The following KBTBD11 variants were observed in gnomAD, a reference collection of about 807,000 sequenced individuals.
The protein encoded by KBTBD11 is kelch repeat and BTB domain-containing protein 11.
For missense variants in KBTBD11, 1,390 were observed against 1,001.8 expected (o/e 1.39, Z -5.23); for synonymous variants, 747 against 499.0 (o/e 1.50, Z -6.63).
At chr8:1,984,270 T>A in intron 1 of KBTBD11, among the ~76,000 whole-genome samples, 1 of 141,678 alleles carries the variant, frequency 7.1e-6, no homozygotes, top group South Asian at 2.3e-4. Context: ...AGACCCCATC[T>A]CTAAAAAAGT....
rs775727271 is a variant in KBTBD11, at chr8:2,001,717, G to A, written c.525G>A (p.Arg175=). ...FRARASRDVL[R]VQGVSLTALR... ...CGCGCGCGTCGCGGGACGTGCTGCGGGTGCAGGGAGTGAGCCTGACGGCGC... is the reference window on the plus strand; with the variant it reads ...CGCGCGCGTCGCGGGACGTGCTGCGAGTGCAGGGAGTGAGCCTGACGGCGC... The change falls in exon 2 of 2, where the codon CGG becomes CGA. Residue 175 remains arginine, a synonymous_variant. Coordinates refer to ENST00000320248, the MANE Select transcript of KBTBD11 (RefSeq NM_014867.3). The A allele has an allele frequency of 7.1e-6, 10 of 1,413,804 alleles. No individual in the cohort carries two copies. The highest frequency in any genetic ancestry group is 9.2e-6 in the Non-Finnish European group (10 of 1,088,044). The allele number at this position is 1,413,804 out of a possible 1,614,324, so 87.6% of individuals were successfully genotyped here.
In KBTBD11 at chr8:2,002,954, G is replaced by A. The variant is rs1309315707; in HGVS notation, c.1762G>A (p.Gly588Ser). 2.9e-5 allele frequency: 38 copies of A among 1,317,656 alleles called. No homozygotes were observed. Among genetic ancestry groups the A allele is most frequent in the Non-Finnish European group, 3.3e-5 (34 of 1,035,130 alleles). 81.6% of individuals were successfully genotyped at this position (1,317,656 alleles called of 1,614,324 possible). Residue 588 changes from glycine to serine, a missense_variant, in exon 2 of 2, where the codon GGC becomes AGC. Physicochemically the swap from Gly to Ser is moderately conservative, Grantham distance 56. Coordinates refer to ENST00000320248, the MANE Select transcript of KBTBD11 (RefSeq NM_014867.3). The surrounding 1 kb of genome is among the most constrained non-coding windows in gnomAD (Gnocchi z 4.1). ...EGEAGGDAGQ[G>S]GGFEALGAPL... ...CGAGGCCGGCGGCGACGCAGGCCAG[G>A]GCGGCGGCTTCGAGGCGCTGGGCGC...
chr8:1,982,632 C>G (rs1217629315), intron 1 of KBTBD11, among the ~76,000 whole-genome samples: 2 of 152,110 alleles, frequency 1.3e-5, no homozygotes, highest in African/African-American at 4.8e-5. Flanking sequence ...AAATCCACTT[C>G]AAGTTAAAAC....
chr8:1,977,158 G>T (rs963873175), intron 1 of KBTBD11, among the ~76,000 whole-genome samples: 1 of 151,538 alleles, frequency 6.6e-6, no homozygotes, highest in Admixed American at 6.6e-5. Context: ...AATTCTTCCA[G>T]TGTGGCCCAC....
At chr8:1,975,118 G>GC (rs1816288522) in intron 1 of KBTBD11, 1 of 152,262 alleles carries the variant, frequency 6.6e-6, no homozygotes, top group Admixed American at 6.5e-5. Flanking sequence ...ACGGAAGGGA[G>GC]CGTTCCATTG....
chr8:1,998,984 C>T (rs1461585063), intron 1 of KBTBD11, among the ~76,000 whole-genome samples: 2 of 152,206 alleles, frequency 1.3e-5, no homozygotes, highest in African/African-American at 4.8e-5. Flanking sequence ...TGGGTGAACA[C>T]AAGGGACCCT....
intron 1 of KBTBD11, among the ~76,000 whole-genome samples, chr8:1,980,927 A>C (rs1816520474): frequency 6.6e-6 from 1 of 152,200 alleles, no homozygotes; most frequent in Non-Finnish European, 1.5e-5. Flanking sequence ...GATTTGTGGA[A>C]ATCTTTGCGA....
At chr8:1,987,361 A>G (rs1816738491) in intron 1 of KBTBD11, among the ~76,000 whole-genome samples, 2 of 152,214 alleles carry the variant, frequency 1.3e-5, no homozygotes, top group Non-Finnish European at 2.9e-5. Flanking sequence ...AGCGTGACAC[A>G]AAACCCATCT....
At chr8:1,984,434 G>T (rs1816645055) in intron 1 of KBTBD11, among the ~76,000 whole-genome samples, 1 of 151,838 alleles carries the variant, frequency 6.6e-6, no homozygotes, top group Non-Finnish European at 1.5e-5. Context: ...GACAACAGCT[G>T]CCCGCACCAC....
At chr8:1,990,083 A>T (rs958878136) in intron 1 of KBTBD11, among the ~76,000 whole-genome samples, 2 of 152,074 alleles carry the variant, frequency 1.3e-5, no homozygotes, top group South Asian at 2.1e-4. Context: ...GCATTTTTTC[A>T]TTTATGGAAT....
Position 1,996,505 on chromosome 8 carries a change from T to G in KBTBD11, c.-908-3780T>G, listed in dbSNP as rs1029225798. On this transcript the variant is annotated intron_variant, in intron 1 of 1. Transcript: ENST00000320248. ...CTGGTCTTGAACTCCTGACCTCAGG[T>G]GACCCACCCACCTCGGCCTCCCAAA... 2.0e-5 allele frequency among the ~76,000 whole-genome samples: 3 copies of G among 152,124 alleles called. No individual in the cohort carries two copies. In the East Asian group the frequency reaches 5.8e-4, roughly 29 times the overall value.
At chr8:1,974,291 C>A in intron 1 of KBTBD11, 3 of 983,862 alleles carry the variant, frequency 3.0e-6, no homozygotes, top group Non-Finnish European at 3.6e-6. Flanking sequence ...GCGGCAACCC[C>A]GGCCGGAAGA....
rs1271641589 is a variant in KBTBD11, at chr8:2,001,943, C to G, written c.751C>G (p.Leu251Val). 9.5e-6 allele frequency: 14 copies of G among 1,472,836 alleles called. No homozygotes were observed. The highest frequency in any genetic ancestry group is 5.9e-5 in the African/African-American group (4 of 67,998). The allele number at this position is 1,472,836 out of a possible 1,614,324, so 91.2% of individuals were successfully genotyped here. The part of the protein sequence containing the change: ...SAAKRQRLNE[L>V]RDAAYCFMSD... The stretch of plus-strand genomic sequence containing the variant: ...GGCCAAGCGGCAGCGGCTGAACGAG[C>G]TGCGCGACGCCGCCTACTGCTTCAT... Residue 251 changes from leucine to valine, a missense_variant, in exon 2 of 2, where the codon CTG becomes GTG. Physicochemically the swap from Leu to Val is conservative, Grantham distance 32. Coordinates refer to ENST00000320248, the MANE Select transcript of KBTBD11 (RefSeq NM_014867.3).
rs1200582372 is a variant in KBTBD11 at position 2,006,809 on chromosome 8, T to G, written c.*3745T>G. 1 of 167,120 alleles carries G rather than the reference T, an allele frequency of 6.0e-6. No individual in the cohort carries two copies. The highest frequency in any genetic ancestry group is 1.5e-5 in the Non-Finnish European group (1 of 68,130). The allele number at this position is 167,120 out of a possible 1,614,324, so 10.4% of individuals were successfully genotyped here. On this transcript the variant is annotated 3_prime_UTR_variant, in exon 2 of 2. Transcript: ENST00000320248. Reference sequence around the variant, plus strand: ...TTGAAGGCCAAGTTCAGGGCAGCTGTTGTGATCTGTGTAGTTAATGTATTT... The same window carrying G: ...TTGAAGGCCAAGTTCAGGGCAGCTGGTGTGATCTGTGTAGTTAATGTATTT...
At position 1,981,878 on chromosome 8, in the gene KBTBD11, A is replaced by T. The variant is rs931130770; in HGVS notation, c.-909+7943A>T. Among the ~76,000 whole-genome samples, 86 of 152,168 alleles carry T rather than the reference A, an allele frequency of 5.7e-4. 1 individual carries two copies. Among genetic ancestry groups the T allele is most frequent in the Non-Finnish European group, 1.6e-4 (11 of 68,042 alleles). On this transcript the variant is annotated intron_variant, in intron 1 of 1. Coordinates refer to ENST00000320248, the MANE Select transcript of KBTBD11 (RefSeq NM_014867.3). ...CCTGGTTCTGAGGCCTCTGACAATA[A>T]ACTGAGCCATGCCACTGGCTTCTCT...
chr8:1,985,916 A>G (rs1169376302), intron 1 of KBTBD11, among the ~76,000 whole-genome samples: 1 of 152,244 alleles, frequency 6.6e-6, no homozygotes, highest in African/African-American at 2.4e-5. Context: ...TTCAGTCTCA[A>G]GGTATAATTG....
chr8:1,996,728 A>G (rs962112530), intron 1 of KBTBD11, among the ~76,000 whole-genome samples: 4 of 152,202 alleles, frequency 2.6e-5, no homozygotes, highest in Non-Finnish European at 4.4e-5. Context: ...TTTATTCTGA[A>G]TAAGTCCTAA....
In KBTBD11 at chr8:2,003,164, G is replaced by T. The variant is rs1817464236; in HGVS notation, c.*100G>T. The T allele has an allele frequency of 1.6e-6, 2 of 1,246,428 alleles. No homozygotes were observed. Among genetic ancestry groups the T allele is most frequent in the South Asian group, 8.0e-5 (2 of 25,134 alleles). 77.2% of individuals were successfully genotyped at this position (1,246,428 alleles called of 1,614,324 possible). ...ACGTGGTGGGGAGTCGGGGCCGCTG[G>T]CCACGCTGGTGGTTTGGACACTTCG... On this transcript the variant is annotated 3_prime_UTR_variant, in exon 2 of 2. Transcript: ENST00000320248.
At chr8:1,978,989 GC>G (rs1816445598) in intron 1 of KBTBD11, among the ~76,000 whole-genome samples, 1 of 152,192 alleles carries the variant, frequency 6.6e-6, no homozygotes, top group Non-Finnish European at 1.5e-5. Context: ...CCCTGGGCAG[GC>G]ACAGGAGAAC....
Sources: gnomAD v4.1 joint callset for allele counts (sites outside exome capture counted in the v4.1 genomes callset) on GRCh38, gnomAD v4.1.1 for gene constraint, Gnocchi (gnomAD v3.1) non-coding constraint, MANE v1.5 for transcripts, NCBI Gene and HGNC (gene_info 2026-07-23, HGNC 2026-07-21) for gene names.